The following ANKRD30BL variants were observed in gnomAD, a reference collection of about 807,000 sequenced individuals.
ANKRD30BL encodes the protein ankyrin repeat domain 30B like, also known as putative ankyrin repeat domain-containing protein 30B-like.
Under a neutral mutation model 18.4 loss-of-function variants are expected in ANKRD30BL, and 20 were observed. That is an observed-to-expected ratio of 1.09 (90% CI 0.77 to 1.58). The LOEUF (loss-of-function observed/expected upper bound fraction) is 1.58, where lower values mean the gene tolerates loss of function less well. Ranked by LOEUF, ANKRD30BL falls within the 40% of genes most tolerant of loss-of-function variation. The pLI, the probability that ANKRD30BL is intolerant of heterozygous loss-of-function variation, is 0.00. For synonymous variants in ANKRD30BL, 72 were observed against 100.9 expected (o/e 0.71, Z 1.72); for missense variants, 224 against 268.6 (o/e 0.83, Z 1.16).
intron 1 of ANKRD30BL, among the ~76,000 whole-genome samples, chr2:132,198,324 CTTT>C (rs773252461): frequency 0.012 from 205 of 16,826 alleles, 2 homozygotes; most frequent in South Asian, 0.05. Flanking sequence ...TTCTTTCTTT[CTTT>C]TTTTTTTTTT....
intron 1 of ANKRD30BL, among the ~76,000 whole-genome samples, chr2:132,218,396 T>G (rs572296143): frequency 6.7e-6 from 1 of 149,778 alleles, no homozygotes; most frequent in East Asian, 1.9e-4. Flanking sequence ...CAAACACTCT[T>G]TTTGTAGAAT....
At chr2:132,209,768 G>C (rs1163664730) in intron 1 of ANKRD30BL, among the ~76,000 whole-genome samples, 1 of 152,028 alleles carries the variant, frequency 6.6e-6, no homozygotes, top group Non-Finnish European at 1.5e-5. Context: ...GATTTCTTTT[G>C]ATTGAGCAGT....
intron 1 of ANKRD30BL, among the ~76,000 whole-genome samples, chr2:132,254,735 C>T (rs576733877): frequency 6.6e-6 from 1 of 152,368 alleles, no homozygotes; most frequent in South Asian, 2.1e-4. Flanking sequence ...TGCTCAATCT[C>T]AGGTGGCTGA....
At chr2:132,160,754 C>G (rs1288104736) in intron 1 of ANKRD30BL, among the ~76,000 whole-genome samples, 1 of 151,978 alleles carries the variant, frequency 6.6e-6, no homozygotes, top group Non-Finnish European at 1.5e-5. Context: ...AAATTAATAG[C>G]ACATTTTGAA....
At chr2:132,180,380 G>A (rs1174352595) in intron 1 of ANKRD30BL, among the ~76,000 whole-genome samples, 6 of 152,196 alleles carry the variant, frequency 3.9e-5, no homozygotes, top group Non-Finnish European at 8.8e-5. Context: ...TCTAAGAGTA[G>A]TAGGCTATCC....
At chr2:132,187,515 C>T (rs1333312104) in intron 1 of ANKRD30BL, among the ~76,000 whole-genome samples, 2 of 151,642 alleles carry the variant, frequency 1.3e-5, no homozygotes, top group Non-Finnish European at 2.9e-5. Flanking sequence ...GGGTTTTCAC[C>T]GTGTTAGCAA....
intron 1 of ANKRD30BL, among the ~76,000 whole-genome samples, chr2:132,246,407 T>C (rs1372512008): frequency 4.6e-5 from 7 of 151,748 alleles, no homozygotes; most frequent in Admixed American, 3.9e-4. Context: ...GCATGCTTTT[T>C]GTAGAATTTA....
chr2:132,216,291 T>C (rs1040891619), intron 1 of ANKRD30BL, among the ~76,000 whole-genome samples: 3 of 152,020 alleles, frequency 2.0e-5, no homozygotes, highest in African/African-American at 7.2e-5. Context: ...GAAACTCTCT[T>C]TTTGTAGAAT....
intron 1 of ANKRD30BL, among the ~76,000 whole-genome samples, chr2:132,231,566 G>A (rs1680014263): frequency 6.6e-6 from 1 of 152,206 alleles, no homozygotes; most frequent in Non-Finnish European, 1.5e-5. Flanking sequence ...CCGAGTCAAA[G>A]AAAGGGGTGA....
chr2:132,181,804 T>C (rs367817186), intron 1 of ANKRD30BL, among the ~76,000 whole-genome samples: 1 of 152,148 alleles, frequency 6.6e-6, no homozygotes, highest in Non-Finnish European at 1.5e-5. Context: ...CAGGATGAAC[T>C]GTTTAGGTCA....
intron 1 of ANKRD30BL, among the ~76,000 whole-genome samples, chr2:132,227,015 TA>T (rs1679867003): frequency 6.6e-6 from 1 of 152,112 alleles, no homozygotes; most frequent in African/African-American, 2.4e-5. Context: ...CTTTGAGGCC[TA>T]TGGTGGGAAA....
At chr2:132,224,803 T>A (rs10181928) in intron 1 of ANKRD30BL, among the ~76,000 whole-genome samples, 6 of 151,476 alleles carry the variant, frequency 4.0e-5, no homozygotes, top group Non-Finnish European at 8.8e-5. Context: ...TCGATGGAAA[T>A]GGGAATATCT....
intron 1 of ANKRD30BL, among the ~76,000 whole-genome samples, chr2:132,168,839 CTT>C (rs1314775500): frequency 1.3e-5 from 2 of 149,836 alleles, no homozygotes; most frequent in East Asian, 3.9e-4. Flanking sequence ...TATTATATAA[CTT>C]AAATATGTAC....
chr2:132,249,647 T>C (rs941319960), intron 1 of ANKRD30BL, among the ~76,000 whole-genome samples: 79 of 152,222 alleles, frequency 5.2e-4, no homozygotes, highest in African/African-American at 1.9e-3. Context: ...TGAAGATATT[T>C]CCTTTTTCAC....
chr2:132,164,209 T>C (rs1039058912), upstream of ANKRD30BL, among the ~76,000 whole-genome samples: 9 of 152,148 alleles, frequency 5.9e-5, no homozygotes, highest in African/African-American at 2.2e-4. Flanking sequence ...ATCACATGAG[T>C]TGTTTGCAGT....
At chr2:132,241,076 A>G (rs2104795018) in intron 1 of ANKRD30BL, among the ~76,000 whole-genome samples, 1 of 152,080 alleles carries the variant, frequency 6.6e-6, no homozygotes, top group South Asian at 2.1e-4. Context: ...ACGGAGCTGA[A>G]CATTCCTTTT....
At chr2:132,256,157 T>C (rs2104816144) in intron 1 of ANKRD30BL, among the ~76,000 whole-genome samples, 1 of 152,358 alleles carries the variant, frequency 6.6e-6, no homozygotes, top group East Asian at 1.9e-4. Flanking sequence ...GGCTTAATCT[T>C]TGAGACAAGC....
intron 1 of ANKRD30BL, among the ~76,000 whole-genome samples, chr2:132,176,198 A>G (rs1331376732): frequency 6.6e-6 from 1 of 151,940 alleles, no homozygotes; most frequent in Non-Finnish European, 1.5e-5. Context: ...GTTCAAGATC[A>G]GCCTGGCCAA....
intron 4 of ANKRD30BL, chr2:132,152,457 T>C (rs1687785802): frequency 6.6e-6 from 1 of 152,210 alleles, no homozygotes; most frequent in Admixed American, 6.5e-5. Context: ...AATGGCTTCA[T>C]GGTGATGCAG....
Sources: gnomAD v4.1 joint callset for allele counts (sites outside exome capture counted in the v4.1 genomes callset) on GRCh38, gnomAD v4.1.1 for gene constraint, MANE v1.5 for transcripts, NCBI Gene and HGNC (gene_info 2026-07-23, HGNC 2026-07-21) for gene names.